Variants in ADAM18 observed in about 807,000 individuals in gnomAD.
The protein encoded by ADAM18 is ADAM metallopeptidase domain 18.
Under a neutral mutation model 94.4 loss-of-function variants are expected in ADAM18, and 117 were observed. The observed-to-expected ratio is 1.24, with a 90% CI of 1.07 to 1.45. The LOEUF (loss-of-function observed/expected upper bound fraction) is 1.45, where lower values mean the gene tolerates loss of function less well. ADAM18 is among the 40% of genes most tolerant of loss of function. The pLI is 0.00. For missense variants in ADAM18, 936 were observed against 880.0 expected (o/e 1.06, Z -0.81); for synonymous variants, 327 against 291.6 (o/e 1.12, Z -1.24).
chr8:39,705,962 C>T (rs550823763), intron 17 of ADAM18, among the ~76,000 whole-genome samples: 29 of 151,998 alleles, frequency 1.9e-4, no homozygotes, highest in African/African-American at 6.5e-4. Flanking sequence ...GATGTGAGTA[C>T]GTGTATTTAT....
intron 2 of ADAM18, among the ~76,000 whole-genome samples, chr8:39,594,950 T>C (rs1321920660): frequency 6.6e-6 from 1 of 151,946 alleles, no homozygotes; most frequent in Non-Finnish European, 1.5e-5. Context: ...CCGTCTCTAT[T>C]TGGGATTCTA....
chr8:39,694,157 T>C (rs1441774387), intron 17 of ADAM18, among the ~76,000 whole-genome samples: 1 of 151,432 alleles, frequency 6.6e-6, no homozygotes, highest in Non-Finnish European at 1.5e-5. Context: ...AAGTGGTAGA[T>C]ATTCTTGCCT....
intron 16 of ADAM18, among the ~76,000 whole-genome samples, chr8:39,685,969 C>T (rs903915799): frequency 5.9e-5 from 9 of 152,064 alleles, no homozygotes; most frequent in African/African-American, 2.2e-4. Context: ...CAATTGAGAC[C>T]TCATCAAAAT....
At chr8:39,658,049 G>T (rs575621447) in intron 12 of ADAM18, among the ~76,000 whole-genome samples, 5 of 152,224 alleles carry the variant, frequency 3.3e-5, no homozygotes, top group African/African-American at 1.2e-4. Flanking sequence ...ATAGGGAATT[G>T]TTTCGGGAAT....
rs1422209378 is a variant in ADAM18 at position 39,680,144 on chromosome 8, C to A, written c.1739C>A (p.Ser580Tyr). The change falls in exon 16 of 20, where the codon TCT becomes TAT. Residue 580 changes from serine to tyrosine, a missense_variant. Ser to Tyr is a moderately radical substitution (Grantham distance 144). Transcript: ENST00000265707. ...TATATTCAAGACCATGTATGTGTATCTATAGCCACTGGTTCCTCCATGAGA... is the reference window on the plus strand; with the variant it reads ...TATATTCAAGACCATGTATGTGTATATATAGCCACTGGTTCCTCCATGAGA... ...YSYIQDHVCVSIATGSSMRSD... is the reference protein window; with the variant it reads ...YSYIQDHVCVYIATGSSMRSD... The A allele has an allele frequency of 1.2e-6, 2 of 1,613,712 alleles. No individual in the cohort carries two copies. The highest frequency in any genetic ancestry group is 1.7e-6 in the Non-Finnish European group (2 of 1,179,874).
chr8:39,677,080 A>C (rs2129580460), intron 14 of ADAM18, among the ~76,000 whole-genome samples: 1 of 152,358 alleles, frequency 6.6e-6, no homozygotes, highest in Non-Finnish European at 1.5e-5. Context: ...TATAAGTTCC[A>C]GAGGTTTCTG....
rs1820924056 is a variant in ADAM18, at chr8:39,663,995, T to C, written c.1326+105T>C. ...TAAAAAGAATATATAAGGAATTTAG[T>C]GAAATAAAATGTAGAGTGCATGAAC... On this transcript the variant is annotated intron_variant, in intron 13 of 19. Coordinates refer to ENST00000265707, the MANE Select transcript of ADAM18 (RefSeq NM_014237.3). The C allele has an allele frequency of 9.4e-6, 7 of 748,442 alleles. No individual in the cohort carries two copies. The South Asian group carries it at 1.4e-4, about 15-fold the overall frequency. The allele number at this position is 748,442 out of a possible 1,614,324, so 46.4% of individuals were successfully genotyped here. A position where few individuals can be genotyped will look rare whatever the true frequency, so the allele number is the denominator to read the frequency against.
intron 2 of ADAM18, among the ~76,000 whole-genome samples, chr8:39,590,135 C>T (rs1321421262): frequency 5.3e-5 from 8 of 151,580 alleles, no homozygotes; most frequent in East Asian, 1.9e-4. Flanking sequence ...CACATGCACA[C>T]GTATGTTTAT....
At chr8:39,619,157 C>A (rs934084302) in intron 6 of ADAM18, among the ~76,000 whole-genome samples, 4 of 151,930 alleles carry the variant, frequency 2.6e-5, no homozygotes, top group African/African-American at 9.7e-5. Context: ...TATTGTAGCA[C>A]CTAAATAGAT....
chr8:39,662,998 TTATAGTAAAACATGG>T (rs898056769), intron 12 of ADAM18, among the ~76,000 whole-genome samples: 3 of 152,174 alleles, frequency 2.0e-5, no homozygotes, highest in African/African-American at 7.2e-5. Context: ...TTGATTTCTA[TTATAGTAAAACATGG>T]TACATAAATA....
intron 3 of ADAM18, among the ~76,000 whole-genome samples, chr8:39,607,835 A>T (rs936769718): frequency 6.9e-6 from 1 of 145,256 alleles, no homozygotes. Flanking sequence ...CCCCCTAGCT[A>T]TATTCAATCA....
chr8:39,637,417 CTT>C, intron 8 of ADAM18, 82 bp downstream of exon 8: 1 of 1,429,744 alleles, frequency 7.0e-7, no homozygotes, highest in Non-Finnish European at 9.5e-7. Flanking sequence ...CAATGAATAA[CTT>C]AAATACTTTT....
At chr8:39,700,126 C>T (rs1451736) in intron 17 of ADAM18, among the ~76,000 whole-genome samples, 76,248 of 151,880 alleles carry the variant, frequency 0.5, 21,406 homozygotes, top group Non-Finnish European at 0.63. Flanking sequence ...AAAGTGCTTG[C>T]GTATTCTAGA....
intron 11 of ADAM18, among the ~76,000 whole-genome samples, chr8:39,647,726 A>G (rs1820424213): frequency 6.6e-6 from 1 of 152,180 alleles, no homozygotes; most frequent in Non-Finnish European, 1.5e-5. Flanking sequence ...AGTCTAGAGA[A>G]TGGCGATGAC....
At chr8:39,618,156 A>C (rs192001448) in intron 6 of ADAM18, among the ~76,000 whole-genome samples, 83 of 152,330 alleles carry the variant, frequency 5.4e-4, no homozygotes, top group African/African-American at 2.0e-3. Flanking sequence ...GGATCTGGCC[A>C]GCAGCCCGCA....
chr8:39,627,913 T>G (rs1490582520), intron 6 of ADAM18, among the ~76,000 whole-genome samples: 1 of 152,108 alleles, frequency 6.6e-6, no homozygotes, highest in Non-Finnish European at 1.5e-5. Flanking sequence ...GATCTAGTAG[T>G]AACAAATTCC....
At chr8:39,617,490 T>A (rs1819477742) in intron 6 of ADAM18, among the ~76,000 whole-genome samples, 1 of 152,212 alleles carries the variant, frequency 6.6e-6, no homozygotes, top group South Asian at 2.1e-4. Context: ...TTATTGGGTA[T>A]ATACCCAAAG....
chr8:39,625,996 ATTG>A (rs752138371), intron 6 of ADAM18, among the ~76,000 whole-genome samples: 13 of 152,056 alleles, frequency 8.5e-5, no homozygotes, highest in Non-Finnish European at 1.6e-4. Context: ...ATTGGTATCA[ATTG>A]TTGTTTGAAT....
intron 2 of ADAM18, among the ~76,000 whole-genome samples, chr8:39,592,906 T>A (rs1237976118): frequency 6.6e-6 from 1 of 152,228 alleles, no homozygotes; most frequent in Non-Finnish European, 1.5e-5. Flanking sequence ...GATGGTGTAT[T>A]CTTCCAGTAG....
Sources: allele counts gnomAD v4.1 joint callset (sites outside exome capture counted in the v4.1 genomes callset), GRCh38; gene constraint gnomAD v4.1.1; transcripts MANE v1.5; gene names NCBI Gene and HGNC (gene_info 2026-07-23, HGNC 2026-07-21).